FCHSD2: variants seen among roughly 807,000 people sequenced by gnomAD.
The protein encoded by FCHSD2 is FCH and double SH3 domains 2.
FCHSD2 carries 38 observed loss-of-function variants against 108.1 expected under a neutral mutation model. That is an observed-to-expected ratio of 0.35 (90% CI 0.27 to 0.46). The LOEUF is 0.46. Among genes scored for constraint, FCHSD2 ranks in the 20% least tolerant of loss-of-function variants. FCHSD2 has a pLI of 1.00. For synonymous variants in FCHSD2, 279 were observed against 314.7 expected, an observed-to-expected ratio of 0.89 and a Z score of 1.20; for missense variants, 751 against 897.8, an observed-to-expected ratio of 0.84 and a Z score of 2.09.
Position 73,047,883 on chromosome 11 carries a change from A to G in FCHSD2, c.166-31998T>C, listed in dbSNP as rs192322684. ...TGACTTTGTTATCTCATTTAAGCTTAGCAACAACTGTGAGTTATTTATTAA... is the reference window on the plus strand; with the variant it reads ...TGACTTTGTTATCTCATTTAAGCTTGGCAACAACTGTGAGTTATTTATTAA... On this transcript the variant is annotated intron_variant, in intron 3 of 19. Coordinates refer to ENST00000409418, the MANE Select transcript of FCHSD2 (RefSeq NM_014824.3). Among the ~76,000 whole-genome samples the G allele has an allele frequency of 4.6e-5, 7 of 152,348 alleles. No homozygotes were observed. The East Asian group carries it at 1.3e-3, about 29-fold the overall frequency.
At chr11:72,921,795 A>AT in intron 9 of FCHSD2, 33 bp downstream of exon 9, 2 of 1,582,690 alleles carry the variant, frequency 1.3e-6, no homozygotes, top group Non-Finnish European at 1.7e-6. Flanking sequence ...TCTAAGTTGG[A>AT]TAACACTACA....
intron 2 of FCHSD2, among the ~76,000 whole-genome samples, chr11:73,089,090 A>T (rs1859892746): frequency 6.6e-6 from 1 of 152,206 alleles, no homozygotes; most frequent in Admixed American, 6.5e-5. Flanking sequence ...CTGGGATAAC[A>T]ACTACTCAAA....
chr11:72,904,501 ATTC>A (rs1855589079), intron 9 of FCHSD2, among the ~76,000 whole-genome samples: 1 of 152,210 alleles, frequency 6.6e-6, no homozygotes, highest in Non-Finnish European at 1.5e-5. Flanking sequence ...TATGGCCAAT[ATTC>A]TTTCATCTTT....
chr11:73,089,848 T>C (rs1859911647), intron 2 of FCHSD2, among the ~76,000 whole-genome samples: 1 of 152,098 alleles, frequency 6.6e-6, no homozygotes, highest in Admixed American at 6.5e-5. Flanking sequence ...AGCATTTTCA[T>C]ACAGAAAAAT....
chr11:73,086,997 C>A, intron 2 of FCHSD2, among the ~76,000 whole-genome samples: 1 of 152,170 alleles, frequency 6.6e-6, no homozygotes, highest in Admixed American at 6.5e-5. Context: ...TGAGGTCCTA[C>A]AGCTAACTGT....
chr11:72,999,398 C>A (rs370681950), intron 5 of FCHSD2, among the ~76,000 whole-genome samples: 8 of 149,552 alleles, frequency 5.3e-5, no homozygotes, highest in African/African-American at 2.0e-4. Flanking sequence ...CAGCTCACTG[C>A]AATCTCCACC....
chr11:73,011,262 A>T (rs963755602), intron 4 of FCHSD2, among the ~76,000 whole-genome samples: 6 of 152,116 alleles, frequency 3.9e-5, no homozygotes, highest in Non-Finnish European at 8.8e-5. Flanking sequence ...TCCCTAGGCC[A>T]CTGGCAGAAT....
chr11:73,128,716 T>C (rs1299100317), intron 2 of FCHSD2, among the ~76,000 whole-genome samples: 1 of 152,174 alleles, frequency 6.6e-6, no homozygotes, highest in Non-Finnish European at 1.5e-5. Context: ...ACGAGGAGAA[T>C]CATTACCAAC....
intron 3 of FCHSD2, among the ~76,000 whole-genome samples, chr11:73,047,189 G>A (rs1403293868): frequency 5.3e-5 from 8 of 150,502 alleles, no homozygotes; most frequent in Admixed American, 1.3e-4. Context: ...AAAAAAAAAG[G>A]CAAATATTTC....
chr11:73,104,181 A>G (rs1208523095), intron 2 of FCHSD2, among the ~76,000 whole-genome samples: 1 of 152,258 alleles, frequency 6.6e-6, no homozygotes, highest in Non-Finnish European at 1.5e-5. Flanking sequence ...AGTGAGAAAC[A>G]CTATGTACAC....
intron 2 of FCHSD2, among the ~76,000 whole-genome samples, chr11:73,112,744 G>A (rs187491604): frequency 5.3e-5 from 8 of 152,308 alleles, no homozygotes; most frequent in Admixed American, 3.9e-4. Flanking sequence ...TGCCTCCCAA[G>A]TTCAAGCAAT....
In FCHSD2 at chr11:72,888,535, T is replaced by C. The variant is rs184090852; in HGVS notation, c.1042-961A>G. On this transcript the variant is annotated intron_variant, in intron 11 of 19. Transcript: ENST00000409418. Reference sequence around the variant, plus strand: ...TGAGACGGATATAGGTATCAATAAATGAAACAGAAAAAAAGTACTATACTC... The same window carrying C: ...TGAGACGGATATAGGTATCAATAAACGAAACAGAAAAAAAGTACTATACTC... Among the ~76,000 whole-genome samples, 8 of 151,938 alleles carry C rather than the reference T, an allele frequency of 5.3e-5. No individual in the cohort carries two copies. The East Asian group carries it at 1.5e-3, about 29-fold the overall frequency.
chr11:73,087,968 T>C (rs1015720545), intron 2 of FCHSD2, among the ~76,000 whole-genome samples: 3 of 152,162 alleles, frequency 2.0e-5, no homozygotes, highest in Non-Finnish European at 4.4e-5. Flanking sequence ...CAACTTTCAA[T>C]TCCTGTACTC....
At chr11:73,055,967 T>C (rs1021604508) in intron 3 of FCHSD2, among the ~76,000 whole-genome samples, 2 of 152,210 alleles carry the variant, frequency 1.3e-5, no homozygotes, top group African/African-American at 4.8e-5. Context: ...TGAATGCCAA[T>C]GAATTTTACC....
At position 73,058,114 on chromosome 11, in the gene FCHSD2, C is replaced by G. The variant is rs568832686; in HGVS notation, c.165+25581G>C. On this transcript the variant is annotated intron_variant, in intron 3 of 19. Transcript: ENST00000409418. ...CAGGATGGTCTCGATCTCCTGACCT[C>G]GTGCTCCGCCTGCCTCAGCCTCCCA... Among the ~76,000 whole-genome samples the G allele has an allele frequency of 2.6e-4, 39 of 152,222 alleles. No homozygotes were observed. The Middle Eastern group carries it at 0.01, about 40-fold the overall frequency.
In FCHSD2 at chr11:72,887,641, G is replaced by T. The variant is rs1191486483; in HGVS notation, c.1042-67C>A. ...TTTTCATCTTCCTTAAGTGATTAAA[G>T]TATTTACATAATTCAAAGGGCTTTA... On this transcript the variant is annotated intron_variant, in intron 11 of 19. Coordinates refer to ENST00000409418, the MANE Select transcript of FCHSD2 (RefSeq NM_014824.3). The T allele has an allele frequency of 7.9e-6, 8 of 1,013,234 alleles. No homozygotes were observed. The South Asian group carries it at 1.2e-4, about 15-fold the overall frequency. The allele number at this position is 1,013,234 out of a possible 1,614,324, so 62.8% of individuals were successfully genotyped here. A position where few individuals can be genotyped will look rare whatever the true frequency, so the allele number is the denominator to read the frequency against.
At chr11:72,937,164 T>C (rs1188723499) in intron 8 of FCHSD2, among the ~76,000 whole-genome samples, 1 of 152,154 alleles carries the variant, frequency 6.6e-6, no homozygotes. Context: ...GACCAAAGGC[T>C]TGATGAAGGA....
At chr11:72,887,610 T>C (rs768335455) in intron 11 of FCHSD2, 36 bp from the exon 12 acceptor site, 3 of 1,329,100 alleles carry the variant, frequency 2.3e-6, no homozygotes, top group Non-Finnish European at 3.1e-6. Flanking sequence ...GATGACTGTT[T>C]TTTACTTTTC....
At chr11:72,922,301 GAA>G (rs761818418) in intron 8 of FCHSD2, among the ~76,000 whole-genome samples, 1 of 152,080 alleles carries the variant, frequency 6.6e-6, no homozygotes. Context: ...GCAGTGCCTG[GAA>G]AAGAGTAGAC....
Sources: allele counts gnomAD v4.1 joint callset (sites outside exome capture counted in the v4.1 genomes callset), GRCh38; gene constraint gnomAD v4.1.1; transcripts MANE v1.5; gene names NCBI Gene and HGNC (gene_info 2026-07-23, HGNC 2026-07-21).